OSBPL8: variants seen among roughly 807,000 people sequenced by gnomAD.
OSBPL8 encodes the protein oxysterol-binding protein-related protein 8.
A neutral mutation model predicts 125.5 loss-of-function variants in OSBPL8; 59 were observed. The observed-to-expected ratio is 0.47, with a 90% CI of 0.38 to 0.58. OSBPL8 has a LOEUF of 0.58. OSBPL8 is among the 20% of genes least tolerant of loss of function. The pLI, the probability that OSBPL8 is intolerant of heterozygous loss-of-function variation, is 0.00. For synonymous variants in OSBPL8, 330 were observed against 338.9 expected, an observed-to-expected ratio of 0.97 and a Z score of 0.29; for missense variants, 758 against 1,047.8, an observed-to-expected ratio of 0.72 and a Z score of 3.82.
chr12:76,472,899 TGGA>T (rs1298351216), intron 2 of OSBPL8, among the ~76,000 whole-genome samples: 3 of 152,020 alleles, frequency 2.0e-5, no homozygotes, highest in Non-Finnish European at 4.4e-5. Context: ...CCACAAGAGG[TGGA>T]GGAGTAGAGT....
chr12:76,395,670 G>A (rs1192500201), intron 8 of OSBPL8, among the ~76,000 whole-genome samples: 3 of 152,180 alleles, frequency 2.0e-5, no homozygotes, highest in African/African-American at 7.2e-5. Flanking sequence ...TAGAAAAACA[G>A]GGTTCAATCT....
intron 1 of OSBPL8, among the ~76,000 whole-genome samples, chr12:76,488,711 C>T (rs992114242): frequency 6.6e-6 from 1 of 152,128 alleles, no homozygotes; most frequent in Non-Finnish European, 1.5e-5. Context: ...CACCCATCTG[C>T]CATTCTCCCA....
At chr12:76,481,070 C>CAA (rs35371551) in intron 2 of OSBPL8, among the ~76,000 whole-genome samples, 4 of 151,162 alleles carry the variant, frequency 2.6e-5, no homozygotes, top group Admixed American at 6.6e-5. Context: ...GGCCATGAGC[C>CAA]AAAAAAAATG....
intron 4 of OSBPL8, among the ~76,000 whole-genome samples, chr12:76,429,615 T>C (rs991001407): frequency 5.9e-5 from 9 of 152,146 alleles, no homozygotes; most frequent in Non-Finnish European, 1.3e-4. Flanking sequence ...CATAATTAAA[T>C]AATTTTATAA....
chr12:76,476,086 GA>G (rs1876773221), intron 2 of OSBPL8, among the ~76,000 whole-genome samples: 1 of 152,058 alleles, frequency 6.6e-6, no homozygotes, highest in African/African-American at 2.4e-5. Flanking sequence ...AGTTCCCTAA[GA>G]AACAGAATAT....
intron 9 of OSBPL8, among the ~76,000 whole-genome samples, chr12:76,394,173 C>T (rs1366341007): frequency 1.3e-5 from 2 of 151,824 alleles, no homozygotes; most frequent in Non-Finnish European, 2.9e-5. Flanking sequence ...TTAAAGTTAC[C>T]TTGATATCAT....
intron 1 of OSBPL8, among the ~76,000 whole-genome samples, chr12:76,500,545 C>T (rs1417526044): frequency 6.6e-6 from 1 of 152,066 alleles, no homozygotes; most frequent in Non-Finnish European, 1.5e-5. Context: ...TGCATATGTT[C>T]CTATCTTCCC....
intron 1 of OSBPL8, among the ~76,000 whole-genome samples, chr12:76,547,076 T>C (rs1237094038): frequency 6.6e-6 from 1 of 152,186 alleles, no homozygotes; most frequent in African/African-American, 2.4e-5. Flanking sequence ...ATCTGGCGTG[T>C]AAAAACCTCT....
chr12:76,501,094 T>TACACACAC (rs113039903), intron 1 of OSBPL8, among the ~76,000 whole-genome samples: 8 of 151,076 alleles, frequency 5.3e-5, no homozygotes, highest in East Asian at 3.9e-4. Flanking sequence ...TGTGTATCTT[T>TACACACAC]ACACACACAC....
At chr12:76,530,119 T>C (rs1343684845) in intron 1 of OSBPL8, among the ~76,000 whole-genome samples, 1 of 151,846 alleles carries the variant, frequency 6.6e-6, no homozygotes, top group Non-Finnish European at 1.5e-5. Flanking sequence ...GGTGGCAAGA[T>C]CATAGTTCAC....
At chr12:76,491,831 C>A (rs907608027) in intron 1 of OSBPL8, among the ~76,000 whole-genome samples, 3 of 152,100 alleles carry the variant, frequency 2.0e-5, no homozygotes, top group Non-Finnish European at 4.4e-5. Flanking sequence ...TTGAATACTG[C>A]ATTATTATAT....
At chr12:76,501,984 C>T (rs1879948754) in intron 1 of OSBPL8, among the ~76,000 whole-genome samples, 1 of 152,224 alleles carries the variant, frequency 6.6e-6, no homozygotes, top group African/African-American at 2.4e-5. Context: ...AAACTCATTT[C>T]ACAGCAAATG....
chr12:76,369,728 C>T lies in OSBPL8; in HGVS notation c.2149G>A (p.Ala717Thr). The T allele has an allele frequency of 1.2e-6, 2 of 1,613,662 alleles. No homozygotes were observed. The highest frequency in any genetic ancestry group is 2.2e-5 in the South Asian group (2 of 91,066). ...TCATTTTTTGTTTTCCGATCCCTGG[C>T]AGCTTGTCTTTGAGCTTCTTCCAAA... ...YVLEEAQRQA[A>T]RDRKTKNEEW... The change falls in exon 20 of 24, where the codon GCC (alanine) becomes ACC (threonine). Residue 717 changes from alanine (A) to threonine (T), a missense_variant. Physicochemically the swap from Ala to Thr is moderately conservative, Grantham distance 58. This residue lies in a region of OSBPL8 where 572 missense variants were observed against 762.0 expected (regional missense o/e 0.75). Coordinates refer to ENST00000261183, the MANE Select transcript of OSBPL8 (RefSeq NM_020841.5).
At chr12:76,444,133 A>G (rs1203552849) in intron 4 of OSBPL8, among the ~76,000 whole-genome samples, 2 of 152,238 alleles carry the variant, frequency 1.3e-5, no homozygotes, top group Non-Finnish European at 2.9e-5. Context: ...AACAGCTTTT[A>G]AAGAATGATG....
In OSBPL8 at chr12:76,354,661, CAA is replaced by C. The variant is rs534889302; in HGVS notation, c.*1226_*1227del. The C allele has an allele frequency of 1.3e-5, 2 of 151,846 alleles. No individual in the cohort carries two copies. Among genetic ancestry groups the C allele is most frequent in the Non-Finnish European group, 2.9e-5 (2 of 67,814 alleles). The allele number at this position is 151,846 out of a possible 1,614,324, so 9.4% of individuals were successfully genotyped here. ...GAATATAAATATTTACGTAAAAACA[CAA>C]AATCAAAATATTAAACTGAAGAAAC... is the stretch of plus-strand genomic sequence containing the variant. On this transcript the variant is annotated 3_prime_UTR_variant, in exon 24 of 24. Coordinates refer to ENST00000261183, the MANE Select transcript of OSBPL8 (RefSeq NM_020841.5).
chr12:76,509,695 G>A (rs975545024), intron 1 of OSBPL8, among the ~76,000 whole-genome samples: 1 of 152,136 alleles, frequency 6.6e-6, no homozygotes, highest in Non-Finnish European at 1.5e-5. Flanking sequence ...AAGACTGGAA[G>A]GCAAACAAAA....
At chr12:76,524,148 C>T (rs900332373) in intron 1 of OSBPL8, among the ~76,000 whole-genome samples, 3 of 152,054 alleles carry the variant, frequency 2.0e-5, no homozygotes, top group Non-Finnish European at 4.4e-5. Context: ...TGTTAACAGA[C>T]TGTTCTCATA....
At chr12:76,467,481 T>C (rs1453750400) in intron 2 of OSBPL8, among the ~76,000 whole-genome samples, 1 of 152,246 alleles carries the variant, frequency 6.6e-6, no homozygotes, top group African/African-American at 2.4e-5. Flanking sequence ...GCTTTACATC[T>C]TTGTATCAGA....
At chr12:76,535,945 C>G (rs746573121) in intron 1 of OSBPL8, among the ~76,000 whole-genome samples, 23 of 152,050 alleles carry the variant, frequency 1.5e-4, no homozygotes, top group Non-Finnish European at 3.1e-4. Flanking sequence ...ATATCTGTAT[C>G]TATTGTGGTA....
Sources: gnomAD v4.1 joint callset for allele counts (sites outside exome capture counted in the v4.1 genomes callset) on GRCh38, gnomAD v4.1.1 for gene constraint, gnomAD v4.1.1 regional missense constraint, MANE v1.5 for transcripts, NCBI Gene and HGNC (gene_info 2026-07-23, HGNC 2026-07-21) for gene names.